Variants in SF3B3 observed in about 807,000 individuals in gnomAD.
SF3B3 encodes splicing factor 3b subunit 3, also known as SAP 130.
Under a neutral mutation model 139.2 loss-of-function variants are expected in SF3B3, and 33 were observed. The observed-to-expected ratio is 0.24, with a 90% CI of 0.18 to 0.32. The LOEUF is 0.32. SF3B3 is among the 10% of genes least tolerant of loss of function. The pLI is 1.00. For missense variants in SF3B3, 818 were observed against 1,509.4 expected, an observed-to-expected ratio of 0.54 and a Z score of 7.59; for synonymous variants, 596 against 563.6, an observed-to-expected ratio of 1.06 and a Z score of -0.81.
chr16:70,559,924 G>A (rs563786762), intron 15 of SF3B3, among the ~76,000 whole-genome samples: 225 of 152,042 alleles, frequency 1.5e-3, no homozygotes, highest in African/African-American at 5.0e-3. Context: ...AGGGGTGCGG[G>A]GGGGTGGTAA....
chr16:70,547,193 A>G (rs1454880569), intron 10 of SF3B3, among the ~76,000 whole-genome samples: 1 of 152,172 alleles, frequency 6.6e-6, no homozygotes, highest in Non-Finnish European at 1.5e-5. Context: ...AATTTTATTG[A>G]TGATGAAGTT....
At position 70,535,937 on chromosome 16, in the gene SF3B3, G is replaced by A. The variant is rs373408202; in HGVS notation, c.825+517G>A. On this transcript the variant is annotated intron_variant, in intron 6 of 25. Coordinates refer to ENST00000302516, the MANE Select transcript of SF3B3 (RefSeq NM_012426.5). ...CTAAGCAATTTGAAAAGAAGTTACA[G>A]GCATTATGATGCCTCACTCCAGTAA... 1.3e-4 allele frequency among the ~76,000 whole-genome samples: 19 copies of A among 151,990 alleles called. 1 individual carries two copies. The highest frequency in any genetic ancestry group is 4.3e-4 in the African/African-American group (18 of 41,490).
chr16:70,526,746 T>A lies in SF3B3; in HGVS notation c.70+20T>A. 6.4e-7 allele frequency: 1 copy of A among 1,567,370 alleles called. No individual in the cohort carries two copies. Among genetic ancestry groups the A allele is most frequent in the Non-Finnish European group, 8.8e-7 (1 of 1,137,754 alleles). On this transcript the variant is annotated intron_variant, in intron 2 of 25. Coordinates refer to ENST00000302516, the MANE Select transcript of SF3B3 (RefSeq NM_012426.5). Reference sequence around the variant, plus strand: ...TTTCTGGTAAGTTCTCTCGTTACCATCTTTTGAAATTTTAAGTGAATTAAT... The same window carrying A: ...TTTCTGGTAAGTTCTCTCGTTACCAACTTTTGAAATTTTAAGTGAATTAAT...
chr16:70,534,342 C>G (rs1240027938), intron 5 of SF3B3, among the ~76,000 whole-genome samples: 1 of 152,134 alleles, frequency 6.6e-6, no homozygotes, highest in African/African-American at 2.4e-5. Flanking sequence ...GGGGTGAAAG[C>G]TACTGAAGGA....
rs71387528 is a variant in SF3B3, at chr16:70,528,464, C to CT, written c.71-385dup. 8.9e-3 allele frequency among the ~76,000 whole-genome samples: 920 copies of CT among 103,854 alleles called. 10 individuals carry two copies. Among genetic ancestry groups the CT allele is most frequent in the East Asian group, 0.015 (51 of 3,478 alleles). The allele number at this position is 103,854 out of a possible 152,430, so 68.1% of individuals were successfully genotyped here. ...ACAGGTGTGAGCCACTGTGCGTGGC[C>CT]TTTTTTTTTTTTTTTTTTTTTTTTA... On this transcript the variant is annotated intron_variant, in intron 2 of 25. Coordinates refer to ENST00000302516, the MANE Select transcript of SF3B3 (RefSeq NM_012426.5).
chr16:70,569,293 A>G (rs966344044), intron 23 of SF3B3, 152 bp downstream of exon 23: 4 of 565,204 alleles, frequency 7.1e-6, no homozygotes, highest in Non-Finnish European at 1.3e-5. Flanking sequence ...ATCTGCAAAA[A>G]ATCTCCTTGG....
At chr16:70,550,325 G>A (rs1166245239) in intron 11 of SF3B3, 2 of 152,156 alleles carry the variant, frequency 1.3e-5, no homozygotes, top group African/African-American at 2.4e-5. Context: ...GCTCTTTAGA[G>A]GGACAGCATT....
chr16:70,542,015 C>A (rs1327304903), intron 9 of SF3B3, among the ~76,000 whole-genome samples, 181 bp downstream of exon 9: 1 of 152,112 alleles, frequency 6.6e-6, no homozygotes, highest in Non-Finnish European at 1.5e-5. Context: ...AATGACAAAA[C>A]TCACGTTTAA....
chr16:70,532,278 A>C (rs952063125), intron 4 of SF3B3, among the ~76,000 whole-genome samples: 1 of 150,470 alleles, frequency 6.6e-6, no homozygotes, highest in Non-Finnish European at 1.5e-5. Flanking sequence ...GGCAACGAGC[A>C]AAACTCCGTC....
At chr16:70,543,116 G>T (rs556967958) in intron 9 of SF3B3, among the ~76,000 whole-genome samples, 1 of 151,560 alleles carries the variant, frequency 6.6e-6, no homozygotes, top group Non-Finnish European at 1.5e-5. Flanking sequence ...TATTCATCAA[G>T]AATAAAATTA....
intron 1 of SF3B3, among the ~76,000 whole-genome samples, chr16:70,525,613 C>G (rs979180851): frequency 6.6e-6 from 1 of 152,110 alleles, no homozygotes; most frequent in African/African-American, 2.4e-5. Flanking sequence ...ACTCCCTGGT[C>G]TTTCAACATC....
intron 11 of SF3B3, among the ~76,000 whole-genome samples, chr16:70,551,774 A>G (rs959812605): frequency 3.3e-5 from 5 of 152,056 alleles, no homozygotes; most frequent in African/African-American, 9.7e-5. Flanking sequence ...GAGCTCCTGA[A>G]CTCAAATGAT....
At chr16:70,534,021 G>C (rs1264791901) in intron 5 of SF3B3, among the ~76,000 whole-genome samples, 1 of 152,158 alleles carries the variant, frequency 6.6e-6, no homozygotes, top group Non-Finnish European at 1.5e-5. Flanking sequence ...GAGTCTGGTG[G>C]TGAATACAGA....
At chr16:70,565,695 G>A in intron 20 of SF3B3, 171 bp downstream of exon 20, 1 of 618,596 alleles carries the variant, frequency 1.6e-6, no homozygotes, top group Non-Finnish European at 2.8e-6. Flanking sequence ...TCTTGTGCCT[G>A]TGCATTCCAC....
At chr16:70,528,226 G>A (rs2151773788) in intron 2 of SF3B3, among the ~76,000 whole-genome samples, 1 of 133,898 alleles carries the variant, frequency 7.5e-6, no homozygotes, top group Middle Eastern at 4.4e-3. Context: ...GTACAGTAGT[G>A]CGACCTCGGC....
At chr16:70,555,606 TAGC>T (rs758765595) in intron 13 of SF3B3, among the ~76,000 whole-genome samples, 5 of 152,148 alleles carry the variant, frequency 3.3e-5, no homozygotes, top group Non-Finnish European at 7.4e-5. Context: ...AATCCCCTCT[TAGC>T]AGTGAAACAC....
At chr16:70,534,739 G>A (rs2050150347) in intron 5 of SF3B3, among the ~76,000 whole-genome samples, 1 of 152,166 alleles carries the variant, frequency 6.6e-6, no homozygotes. Context: ...CACGATCTTG[G>A]CTCACTACAA....
At chr16:70,571,063 C>G (rs763317557) in intron 24 of SF3B3, 32 bp from the exon 25 acceptor site, 21 of 1,481,808 alleles carry the variant, frequency 1.4e-5, no homozygotes. Context: ...GAAATCACTT[C>G]TCAGTGACAG....
In SF3B3 at chr16:70,561,627, C is replaced by T. The variant is rs1281662699; in HGVS notation, c.2134-3C>T. 2 of 1,606,194 alleles carry T rather than the reference C, an allele frequency of 1.2e-6. No homozygotes were observed. Among genetic ancestry groups the T allele is most frequent in the Non-Finnish European group, 1.7e-6 (2 of 1,177,434 alleles). Reference sequence around the variant, plus strand: ...TGGAGCTGGGTTTTTTTTTTCCCCTCAGGTATTGGCCATGTCAAGCCGCTC... The same window carrying T: ...TGGAGCTGGGTTTTTTTTTTCCCCTTAGGTATTGGCCATGTCAAGCCGCTC... On this transcript the variant is annotated splice_region_variant and splice_polypyrimidine_tract_variant and intron_variant, in intron 16 of 25. Transcript: ENST00000302516.
Sources: gnomAD v4.1 joint callset for allele counts (sites outside exome capture counted in the v4.1 genomes callset) on GRCh38, gnomAD v4.1.1 for gene constraint, MANE v1.5 for transcripts, NCBI Gene and HGNC (gene_info 2026-07-23, HGNC 2026-07-21) for gene names.